Variants in YWHAQ observed in about 807,000 individuals in gnomAD.
YWHAQ encodes tyrosine 3-monooxygenase/tryptophan 5-monooxygenase activation protein theta.
In YWHAQ, 6 loss-of-function variants were observed where a neutral mutation model predicts 28.3. The ratio of observed to expected loss-of-function variants is 0.21; its 90% confidence interval spans 0.12 to 0.42. YWHAQ has a LOEUF of 0.42. Among genes scored for constraint, YWHAQ ranks in the 10% least tolerant of loss-of-function variants. The pLI, the probability that YWHAQ is intolerant of heterozygous loss-of-function variation, is 1.00. For synonymous variants in YWHAQ, 143 were observed against 119.1 expected (o/e 1.20, Z -1.31); for missense variants, 201 against 305.6 (o/e 0.66, Z 2.55).
Position 9,585,305 on chromosome 2 carries a change from G to C in YWHAQ, c.719C>G (p.Ala240Gly). The C allele has an allele frequency of 6.2e-7, 1 of 1,614,096 alleles. No homozygotes were observed. The highest frequency in any genetic ancestry group is 1.3e-5 in the African/African-American group (1 of 75,056). The change falls in exon 6 of 6, where the codon GCA becomes GGA. Residue 240 changes from alanine to glycine, a missense_variant. This residue lies in a region of YWHAQ where 39 missense variants were observed against 91.7 expected (regional missense o/e 0.43). Coordinates refer to ENST00000238081, the MANE Select transcript of YWHAQ (RefSeq NM_006826.4). ...ATGGATTTAGTTTTCAGCCCCTTCT[G>C]CCGCATCACATTCTTCTCCTGCACT... ...SDSAGEECDAAEGAEN is the reference protein window; with the variant it reads ...SDSAGEECDAGEGAEN
intron 2 of YWHAQ, among the ~76,000 whole-genome samples, chr2:9,612,273 C>T (rs1187972280): frequency 1.3e-5 from 2 of 152,206 alleles, no homozygotes; most frequent in African/African-American, 4.8e-5. Flanking sequence ...CAGTTTACAC[C>T]TTGCTGCCAG....
chr2:9,612,131 C>T (rs1295875474), intron 2 of YWHAQ, among the ~76,000 whole-genome samples: 1 of 152,226 alleles, frequency 6.6e-6, no homozygotes, highest in African/African-American at 2.4e-5. Context: ...CACAGTGTCA[C>T]AGTATTTTTG....
chr2:9,624,118 T>C (rs1490553206), intron 2 of YWHAQ, among the ~76,000 whole-genome samples: 1 of 152,122 alleles, frequency 6.6e-6, no homozygotes, highest in African/African-American at 2.4e-5. Flanking sequence ...TAGCCAGGCA[T>C]AGTGGCAAGT....
intron 2 of YWHAQ, among the ~76,000 whole-genome samples, chr2:9,626,588 C>G (rs1015020966): frequency 6.6e-6 from 1 of 152,210 alleles, no homozygotes; most frequent in Non-Finnish European, 1.5e-5. Context: ...GCCACCACGC[C>G]TGGCTAATTT....
chr2:9,618,273 A>ATATGTAAAC (rs1483468649), intron 2 of YWHAQ, among the ~76,000 whole-genome samples: 1 of 152,240 alleles, frequency 6.6e-6, no homozygotes, highest in Non-Finnish European at 1.5e-5. Context: ...ATTTTAAAAT[A>ATATGTAAAC]TATGTAAACT....
chr2:9,618,648 A>G (rs1368314490), intron 2 of YWHAQ, among the ~76,000 whole-genome samples: 3 of 151,376 alleles, frequency 2.0e-5, no homozygotes, highest in African/African-American at 7.3e-5. Flanking sequence ...TCACAGGCAC[A>G]TACCACATCC....
chr2:9,623,925 TAA>T (rs940368807), intron 2 of YWHAQ, among the ~76,000 whole-genome samples: 12 of 152,312 alleles, frequency 7.9e-5, no homozygotes, highest in African/African-American at 2.6e-4. Flanking sequence ...GCGAAGTCTT[TAA>T]AAGAGCTCAG....
At chr2:9,591,166 G>A (rs961921017) in intron 3 of YWHAQ, among the ~76,000 whole-genome samples, 2 of 152,154 alleles carry the variant, frequency 1.3e-5, no homozygotes, top group African/African-American at 4.8e-5. Flanking sequence ...TACCATATGA[G>A]ATTACAGAGT....
At chr2:9,625,310 C>A (rs1163248492) in intron 2 of YWHAQ, among the ~76,000 whole-genome samples, 3 of 151,582 alleles carry the variant, frequency 2.0e-5, no homozygotes, top group Non-Finnish European at 4.4e-5. Flanking sequence ...TTTAAGCAGC[C>A]TACAATCTAA....
intron 2 of YWHAQ, among the ~76,000 whole-genome samples, chr2:9,606,508 C>A (rs553279934): frequency 6.6e-6 from 1 of 152,180 alleles, no homozygotes; most frequent in South Asian, 2.1e-4. Flanking sequence ...ATCATAAATG[C>A]AGGTGAACAT....
intron 2 of YWHAQ, among the ~76,000 whole-genome samples, chr2:9,604,494 C>G (rs1666778496): frequency 6.6e-6 from 1 of 152,196 alleles, no homozygotes; most frequent in Non-Finnish European, 1.5e-5. Flanking sequence ...TCAGTTTCAT[C>G]TCCTCTTCTA....
chr2:9,602,977 C>T (rs1040765336), intron 2 of YWHAQ, among the ~76,000 whole-genome samples: 3 of 144,312 alleles, frequency 2.1e-5, no homozygotes, highest in Non-Finnish European at 3.0e-5. Flanking sequence ...CCTGCTTCGG[C>T]CTCCCCAAGT....
intron 2 of YWHAQ, among the ~76,000 whole-genome samples, chr2:9,604,211 G>T (rs766452144): frequency 6.6e-6 from 1 of 152,052 alleles, no homozygotes; most frequent in Non-Finnish European, 1.5e-5. Context: ...GGAGTTAGAA[G>T]AATTTTTCTT....
intron 2 of YWHAQ, among the ~76,000 whole-genome samples, chr2:9,629,505 C>T (rs567776731): frequency 5.4e-4 from 83 of 152,310 alleles, no homozygotes; most frequent in Non-Finnish European, 9.4e-4. Context: ...AACGAATTCA[C>T]TTCAACACTA....
chr2:9,596,153 A>C (rs1666566347), intron 2 of YWHAQ, among the ~76,000 whole-genome samples: 2 of 152,126 alleles, frequency 1.3e-5, no homozygotes, highest in Admixed American at 6.5e-5. Flanking sequence ...AATATAAGAA[A>C]TGAAACTGTT....
At chr2:9,606,068 T>C (rs1666821447) in intron 2 of YWHAQ, among the ~76,000 whole-genome samples, 1 of 152,184 alleles carries the variant, frequency 6.6e-6, no homozygotes, top group African/African-American at 2.4e-5. Context: ...GGCACCCTAA[T>C]TATTTATTTA....
intron 2 of YWHAQ, among the ~76,000 whole-genome samples, chr2:9,609,175 CCTGA>C (rs1195420461): frequency 6.6e-6 from 1 of 152,064 alleles, no homozygotes; most frequent in East Asian, 1.9e-4. Flanking sequence ...TGAAATTTTT[CCTGA>C]CTAAAACAAT....
intron 2 of YWHAQ, among the ~76,000 whole-genome samples, chr2:9,597,199 G>T (rs1353775415): frequency 6.6e-6 from 1 of 152,118 alleles, no homozygotes; most frequent in Non-Finnish European, 1.5e-5. Flanking sequence ...TCTCATAAAG[G>T]ATTTGTTGCC....
intron 2 of YWHAQ, among the ~76,000 whole-genome samples, chr2:9,612,109 A>T (rs1666960424): frequency 6.6e-6 from 1 of 152,114 alleles, no homozygotes. Flanking sequence ...AGTCCTACTG[A>T]TTTCACCTTT....
Sources: allele counts gnomAD v4.1 joint callset (sites outside exome capture counted in the v4.1 genomes callset), GRCh38; gene constraint gnomAD v4.1.1; regional missense constraint gnomAD v4.1.1; transcripts MANE v1.5; gene names NCBI Gene and HGNC (gene_info 2026-07-23, HGNC 2026-07-21).